FBXO36: variants seen among roughly 807,000 people sequenced by gnomAD.
The protein encoded by FBXO36 is F-box only protein 36.
FBXO36 carries 18 observed loss-of-function variants against 17.0 expected under a neutral mutation model. That is an observed-to-expected ratio of 1.06 (90% confidence interval 0.73 to 1.57). The LOEUF (loss-of-function observed/expected upper bound fraction) is 1.57, where lower values mean the gene tolerates loss of function less well. FBXO36 is among the 40% of genes most tolerant of loss of function. The pLI, the probability that FBXO36 is intolerant of heterozygous loss-of-function variation, is 0.00. For missense variants in FBXO36, 229 were observed against 221.9 expected (o/e 1.03, Z -0.20); for synonymous variants, 83 against 85.3 (o/e 0.97, Z 0.15).
At chr2:229,986,223 G>A (rs1428576128) in intron 2 of FBXO36, among the ~76,000 whole-genome samples, 1 of 152,082 alleles carries the variant, frequency 6.6e-6, no homozygotes, top group Non-Finnish European at 1.5e-5. Context: ...AAAAGGACTG[G>A]GCAATGTAGC....
At chr2:229,946,625 A>G (rs1435556176) in intron 1 of FBXO36, among the ~76,000 whole-genome samples, 2 of 152,256 alleles carry the variant, frequency 1.3e-5, no homozygotes, top group African/African-American at 4.8e-5. Context: ...GCAACAGGCA[A>G]CATCAGTTTC....
intron 1 of FBXO36, among the ~76,000 whole-genome samples, chr2:229,964,013 T>C (rs2077138189): frequency 6.6e-6 from 1 of 152,202 alleles, no homozygotes; most frequent in Non-Finnish European, 1.5e-5. Flanking sequence ...ATGAGTAAAA[T>C]TGAGCATCTT....
At chr2:229,966,629 A>T (rs1158055458) in intron 1 of FBXO36, among the ~76,000 whole-genome samples, 1 of 152,176 alleles carries the variant, frequency 6.6e-6, no homozygotes, top group African/African-American at 2.4e-5. Context: ...ACCATTTGTT[A>T]AATAGGGAAT....
chr2:229,979,302 A>C (rs961798349), intron 2 of FBXO36, among the ~76,000 whole-genome samples: 1 of 152,018 alleles, frequency 6.6e-6, no homozygotes, highest in African/African-American at 2.4e-5. Context: ...GTTTAAGACT[A>C]GCCTGGGCAA....
chr2:229,922,755 C>T, intron 1 of FBXO36, 146 bp downstream of exon 1: 2 of 773,070 alleles, frequency 2.6e-6, no homozygotes, highest in Middle Eastern at 3.5e-4. Flanking sequence ...TTTTCCTCGT[C>T]ACCTCGGCCT....
intron 1 of FBXO36, among the ~76,000 whole-genome samples, chr2:229,934,337 C>T (rs1237075429): frequency 6.6e-6 from 1 of 152,080 alleles, no homozygotes; most frequent in Non-Finnish European, 1.5e-5. Context: ...GGAGGCGGAG[C>T]TTGCAGTGAG....
At chr2:229,953,740 C>A (rs1034281838) in intron 1 of FBXO36, among the ~76,000 whole-genome samples, 3 of 151,430 alleles carry the variant, frequency 2.0e-5, no homozygotes, top group Non-Finnish European at 1.5e-5. Flanking sequence ...AAAAGGAGAA[C>A]AAGAAAAATT....
rs557495627 is a variant in FBXO36 at position 229,954,416 on chromosome 2, T to C, written c.97-21825T>C. Reference sequence around the variant, plus strand: ...CGCCACCACACCCTGCTAATTTTTTTATTTTTAGTAAAGATGGAGTTTTGC... The same window carrying C: ...CGCCACCACACCCTGCTAATTTTTTCATTTTTAGTAAAGATGGAGTTTTGC... On this transcript the variant is annotated intron_variant, in intron 1 of 3. Transcript: ENST00000283946. Among the ~76,000 whole-genome samples, 407 of 150,174 alleles carry C rather than the reference T, an allele frequency of 2.7e-3. 4 individuals carry two copies. The highest frequency in any genetic ancestry group is 9.5e-3 in the African/African-American group (388 of 40,846).
intron 1 of FBXO36, among the ~76,000 whole-genome samples, chr2:229,954,857 G>GT (rs1193446999): frequency 5.2e-4 from 72 of 139,546 alleles, no homozygotes; most frequent in Admixed American, 1.0e-3. Flanking sequence ...TTTTTTGTTT[G>GT]TTTTTTTTTT....
At chr2:229,947,550 T>C (rs2106168912) in intron 1 of FBXO36, among the ~76,000 whole-genome samples, 1 of 152,326 alleles carries the variant, frequency 6.6e-6, no homozygotes, top group African/African-American at 2.4e-5. Flanking sequence ...TAAGCAGCCT[T>C]TGGCTGCTGT....
At chr2:229,994,228 G>A (rs1220979775) in intron 2 of FBXO36, among the ~76,000 whole-genome samples, 3 of 152,036 alleles carry the variant, frequency 2.0e-5, no homozygotes, top group Non-Finnish European at 4.4e-5. Context: ...TTCTTCTGCT[G>A]GTGGGCAGAG....
At chr2:229,950,365 G>T (rs566016521) in intron 1 of FBXO36, among the ~76,000 whole-genome samples, 4 of 152,258 alleles carry the variant, frequency 2.6e-5, no homozygotes, top group East Asian at 1.9e-4. Context: ...GGCAGAGGTT[G>T]CAGTGAGCCG....
chr2:229,984,218 C>T (rs536376167), intron 2 of FBXO36, among the ~76,000 whole-genome samples: 9 of 151,254 alleles, frequency 6.0e-5, no homozygotes, highest in East Asian at 2.0e-4. Flanking sequence ...CATGGTGGCA[C>T]GTGCCTGTAG....
At chr2:229,997,729 C>T (rs2077334955) in intron 3 of FBXO36, among the ~76,000 whole-genome samples, 1 of 152,098 alleles carries the variant, frequency 6.6e-6, no homozygotes, top group Admixed American at 6.6e-5. Flanking sequence ...TGTTTTCTTC[C>T]TTGCCCGAAG....
rs182036534 is a variant in FBXO36 at position 229,945,965 on chromosome 2, T to C, written c.96+23356T>C. ...TGAACCCGGGAGGCGGAGGTTGCAA[T>C]GAGCTGAGATTACGCCATTGTACTC... On this transcript the variant is annotated intron_variant, in intron 1 of 3. Transcript: ENST00000283946. Among the ~76,000 whole-genome samples the C allele has an allele frequency of 5.2e-3, 774 of 149,968 alleles. 6 individuals carry two copies. Among genetic ancestry groups the C allele is most frequent in the Middle Eastern group, 0.017 (5 of 292 alleles).
At chr2:230,006,872 C>T (rs893662313) in intron 3 of FBXO36, among the ~76,000 whole-genome samples, 6 of 152,262 alleles carry the variant, frequency 3.9e-5, no homozygotes, top group African/African-American at 1.4e-4. Context: ...TGTGTAGGGA[C>T]TCTGTGAAAG....
intron 2 of FBXO36, among the ~76,000 whole-genome samples, chr2:229,985,068 G>A (rs566700395): frequency 6.6e-6 from 1 of 152,090 alleles, no homozygotes; most frequent in Admixed American, 6.6e-5. Flanking sequence ...GAACTGGCTC[G>A]CATGCCACTG....
At position 229,991,357 on chromosome 2, in the gene FBXO36, G is replaced by A. The variant is rs1037265633; in HGVS notation, c.206-5394G>A. Reference sequence around the variant, plus strand: ...ATATGTCAAACCCCTGACTCCCAGTGTACTATATTTGGACATGGAGGCCTC... The same window carrying A: ...ATATGTCAAACCCCTGACTCCCAGTATACTATATTTGGACATGGAGGCCTC... On this transcript the variant is annotated intron_variant, in intron 2 of 3. Coordinates refer to ENST00000283946, the MANE Select transcript of FBXO36 (RefSeq NM_174899.5). 3.9e-5 allele frequency among the ~76,000 whole-genome samples: 6 copies of A among 152,138 alleles called. No individual in the cohort carries two copies. In the East Asian group the frequency reaches 1.2e-3, roughly 29 times the overall value.
chr2:229,984,240 C>G (rs1292688848), intron 2 of FBXO36, among the ~76,000 whole-genome samples: 1 of 151,428 alleles, frequency 6.6e-6, no homozygotes, highest in Non-Finnish European at 1.5e-5. Context: ...CCCAGCTACT[C>G]AGGAGGTTGA....
Sources: gnomAD v4.1 joint callset for allele counts (sites outside exome capture counted in the v4.1 genomes callset) on GRCh38, gnomAD v4.1.1 for gene constraint, MANE v1.5 for transcripts, NCBI Gene and HGNC (gene_info 2026-07-23, HGNC 2026-07-21) for gene names.